ACOT1: variants seen among roughly 807,000 people sequenced by gnomAD.
The protein encoded by ACOT1 is acyl-coenzyme A thioesterase 1.
A neutral mutation model predicts 15.7 loss-of-function variants in ACOT1; 8 were observed. The ratio of observed to expected loss-of-function variants is 0.51; its 90% CI spans 0.30 to 0.92. The LOEUF (loss-of-function observed/expected upper bound fraction) is 0.92. Ranked by LOEUF, ACOT1 falls within the 40% of genes least tolerant of loss-of-function variation. The pLI is 0.06. For synonymous variants in ACOT1, 67 were observed against 241.2 expected (o/e 0.28, Z 6.69); for missense variants, 151 against 539.4 (o/e 0.28, Z 7.13).
chr14:73,528,842 C>T, the ACOT1 span: 10 of 152,036 alleles, frequency 6.6e-5, no homozygotes, highest in African/African-American at 1.2e-4. Flanking sequence ...CTGAGCGCTT[C>T]GGGAAGAATT....
chr14:73,520,988 G>T, the ACOT1 span: 1 of 1,613,762 alleles, frequency 6.2e-7, no homozygotes, highest in Non-Finnish European at 8.5e-7. Context: ...CAGTGCTCTT[G>T]TTGCCAGGCA....
chr14:73,514,020 C>T, the ACOT1 span: 7 of 1,613,626 alleles, frequency 4.3e-6, no homozygotes, highest in Non-Finnish European at 5.9e-6. Context: ...ACAGGACCTC[C>T]CTTCACTCAC....
chr14:73,493,102 T>G, the ACOT1 span: 1 of 1,612,342 alleles, frequency 6.2e-7, no homozygotes, highest in Non-Finnish European at 8.5e-7. Flanking sequence ...CCTCGGAAGG[T>G]CTTCTAGGAA....
the ACOT1 span, chr14:73,523,155 C>T: frequency 0.7 from 1,101,366 of 1,579,976 alleles, 386,951 homozygotes; most frequent in East Asian, 0.9. Context: ...CTGGTCATAC[C>T]GCGTCCCAGC....
chr14:73,504,592 C>T, the ACOT1 span, among the ~76,000 whole-genome samples: 2 of 152,146 alleles, frequency 1.3e-5, no homozygotes, highest in African/African-American at 2.4e-5. Context: ...GCTGCTGGTC[C>T]AGGACTTTAG....
the ACOT1 span, among the ~76,000 whole-genome samples, chr14:73,501,870 C>T: frequency 1.4e-4 from 22 of 152,116 alleles, no homozygotes; most frequent in African/African-American, 5.1e-4. Flanking sequence ...TCTCCTGCCT[C>T]AGCCTCCCGA....
At chr14:73,520,485 A>C in the ACOT1 span, 3 of 172,278 alleles carry the variant, frequency 1.7e-5, no homozygotes, top group East Asian at 4.7e-4. Flanking sequence ...TTTTTCCAAC[A>C]TAGCACCTTG....
chr14:73,504,677 G>A, the ACOT1 span, among the ~76,000 whole-genome samples: 1 of 152,190 alleles, frequency 6.6e-6, no homozygotes, highest in Admixed American at 6.5e-5. Flanking sequence ...TGTACTGAGT[G>A]GCCAGATTTT....
At chr14:73,500,846 A>C in the ACOT1 span, 1 of 876,914 alleles carries the variant, frequency 1.1e-6, no homozygotes, top group Admixed American at 2.7e-5. Context: ...AATCCCATTC[A>C]GCCTTATGCT....
the ACOT1 span, among the ~76,000 whole-genome samples, chr14:73,528,032 G>A: frequency 1.7e-3 from 253 of 149,284 alleles, 1 homozygote; most frequent in African/African-American, 5.8e-3. Flanking sequence ...AGCCTGTGAC[G>A]TAAAGAATCT....
In ACOT1 at chr14:73,543,231, G is replaced by C. The variant is rs375253960; in HGVS notation, c.842G>C (p.Arg281Pro). ...CCCCCTGTGGGCGTCAACAGAAATC[G>C]CATCAAGGTGACCAAAGATGGCTAT... The part of the protein sequence containing the change: ...TLPPVGVNRN[R>P]IKVTKDGYAD... The change falls in exon 3 of 3, where the codon CGC becomes CCC. Residue 281 changes from arginine (R) to proline (P), a missense_variant. Coordinates refer to ENST00000311148, the MANE Select transcript of ACOT1 (RefSeq NM_001037161.2). 1 of 1,602,048 alleles carries C rather than the reference G, an allele frequency of 6.2e-7. No individual in the cohort carries two copies. The highest frequency in any genetic ancestry group is 8.5e-7 in the Non-Finnish European group (1 of 1,175,072).
the ACOT1 span, among the ~76,000 whole-genome samples, chr14:73,513,320 A>T: frequency 6.6e-6 from 1 of 151,908 alleles, no homozygotes; most frequent in Non-Finnish European, 1.5e-5. Flanking sequence ...TTAGCCAGAC[A>T]TCATGGCACA....
At chr14:73,535,136 A>G (rs1332837596), upstream of ACOT1, among the ~76,000 whole-genome samples, 1 of 115,374 alleles carries the variant, frequency 8.7e-6, no homozygotes, top group African/African-American at 2.8e-5. Context: ...AACCAAATTT[A>G]TATTGCTAAC....
the ACOT1 span, among the ~76,000 whole-genome samples, chr14:73,501,685 T>C: frequency 6.7e-6 from 1 of 149,804 alleles, no homozygotes; most frequent in African/African-American, 2.5e-5. Flanking sequence ...GGCAGTCCTC[T>C]TGCCTCAGCC....
chr14:73,538,769 A>G (rs1163906523), intron 1 of ACOT1, among the ~76,000 whole-genome samples: 1 of 113,856 alleles, frequency 8.8e-6, no homozygotes, highest in Non-Finnish European at 1.9e-5. Context: ...AGAGTTCGAG[A>G]CCAGCCTGGC....
the ACOT1 span, among the ~76,000 whole-genome samples, chr14:73,509,744 A>G: frequency 7.0e-6 from 1 of 143,486 alleles, no homozygotes; most frequent in Non-Finnish European, 1.5e-5. Flanking sequence ...GAATGTTTCC[A>G]GCTAGGCTAC....
At chr14:73,524,767 G>A in the ACOT1 span, among the ~76,000 whole-genome samples, 1 of 151,528 alleles carries the variant, frequency 6.6e-6, no homozygotes, top group Non-Finnish European at 1.5e-5. Flanking sequence ...GCCTCTCCAA[G>A]GAACAGGTAG....
At chr14:73,506,476 A>G in the ACOT1 span, 2 of 1,613,114 alleles carry the variant, frequency 1.2e-6, no homozygotes, top group African/African-American at 2.7e-5. Flanking sequence ...CCAAGCAGAC[A>G]TTTCCACTGA....
chr14:73,512,319 T>C, the ACOT1 span, among the ~76,000 whole-genome samples: 1 of 152,228 alleles, frequency 6.6e-6, no homozygotes, highest in African/African-American at 2.4e-5. Context: ...ATTTCTCTGA[T>C]GATCCATGTA....
Sources: gnomAD v4.1 joint callset for allele counts (sites outside exome capture counted in the v4.1 genomes callset) on GRCh38, gnomAD v4.1.1 for gene constraint, MANE v1.5 for transcripts, NCBI Gene and HGNC (gene_info 2026-07-23, HGNC 2026-07-21) for gene names.